Variants in TRIM5 observed in about 807,000 individuals in gnomAD.
The protein encoded by TRIM5 is tripartite motif containing 5.
TRIM5 carries 31 observed loss-of-function variants against 35.6 expected under a neutral mutation model. The observed-to-expected ratio is 0.87, with a 90% confidence interval of 0.65 to 1.18. The LOEUF is 1.18. TRIM5 is among the 50% of genes most tolerant of loss of function. TRIM5 has a pLI of 0.00. For missense variants in TRIM5, 609 were observed against 591.6 expected, an observed-to-expected ratio of 1.03 and a Z score of -0.31; for synonymous variants, 243 against 215.6, an observed-to-expected ratio of 1.13 and a Z score of -1.11.
At chr11:5,637,335 A>G in the TRIM5 span, among the ~76,000 whole-genome samples, 1 of 152,176 alleles carries the variant, frequency 6.6e-6, no homozygotes, top group Non-Finnish European at 1.5e-5. Flanking sequence ...AGGGACTGAT[A>G]CTCATTTCGT....
Position 5,665,225 on chromosome 11 carries a change from A to T in TRIM5, c.1066T>A (p.Ser356Thr). 1 of 1,614,202 alleles carries T rather than the reference A, an allele frequency of 6.2e-7. No individual in the cohort carries two copies. The highest frequency in any genetic ancestry group is 8.5e-7 in the Non-Finnish European group (1 of 1,180,042). ...TCTACCTCCCAGTAATGTTTCCCTG[A>T]TGTGATACTTTGAGAGCCCAGGATG... is the stretch of plus-strand genomic sequence containing the variant. The part of the protein sequence containing the change: ...TGILGSQSIT[S>T]GKHYWEVDVS... The change falls in exon 8 of 8, where the codon TCA (serine) becomes ACA (threonine). Residue 356 changes from serine to threonine, a missense_variant. By Grantham distance (58) the Ser-to-Thr change is moderately conservative. Transcript: ENST00000380034.
the TRIM5 span, chr11:5,603,485 T>C: frequency 1.2e-6 from 2 of 1,614,106 alleles, no homozygotes; most frequent in Admixed American, 3.3e-5. Context: ...AGCTGCCCTG[T>C]GTGCCAGACC....
At chr11:5,596,709 G>T in the TRIM5 span, 4 of 836,848 alleles carry the variant, frequency 4.8e-6, no homozygotes, top group Middle Eastern at 3.4e-4. Context: ...CCAAAGGCTG[G>T]CGGAGGAGGG....
the TRIM5 span, among the ~76,000 whole-genome samples, chr11:5,622,504 C>G: frequency 3.3e-5 from 5 of 151,536 alleles, no homozygotes; most frequent in Non-Finnish European, 7.4e-5. Context: ...TGCCTGTAAT[C>G]CCAGCTACTC....
At chr11:5,642,098 T>C in the TRIM5 span, among the ~76,000 whole-genome samples, 2 of 152,218 alleles carry the variant, frequency 1.3e-5, no homozygotes, top group Non-Finnish European at 2.9e-5. Flanking sequence ...TCTTTTCCTA[T>C]CGTTTTATCC....
chr11:5,666,303 T>G (rs190802924), intron 5 of TRIM5: 271 of 627,372 alleles, frequency 4.3e-4, no homozygotes, highest in Non-Finnish European at 8.5e-5. Context: ...TCTTAACCTC[T>G]CAGAAGCACA....
chr11:5,651,765 G>A, the TRIM5 span, among the ~76,000 whole-genome samples: 1 of 152,170 alleles, frequency 6.6e-6, no homozygotes, highest in Non-Finnish European at 1.5e-5. Flanking sequence ...CACCAGTAGT[G>A]TGTAAGCATT....
chr11:5,641,030 TG>T, the TRIM5 span: 1 of 1,266,796 alleles, frequency 7.9e-7, no homozygotes, highest in African/African-American at 1.5e-5. Flanking sequence ...TCTAGCTAAA[TG>T]TTTGCCAATT....
chr11:5,628,254 C>G, the TRIM5 span, among the ~76,000 whole-genome samples: 1 of 152,216 alleles, frequency 6.6e-6, no homozygotes, highest in Non-Finnish European at 1.5e-5. Context: ...CTCCTGGAGC[C>G]CCCCGGTATT....
the TRIM5 span, among the ~76,000 whole-genome samples, chr11:5,618,241 G>A: frequency 5.9e-5 from 9 of 152,230 alleles, no homozygotes; most frequent in South Asian, 2.1e-4. Context: ...ATGGTGGCCC[G>A]CGCCTGTAAT....
At chr11:5,605,480 T>C in the TRIM5 span, 1 of 1,614,192 alleles carries the variant, frequency 6.2e-7, no homozygotes, top group Non-Finnish European at 8.5e-7. Context: ...AGGCTGAGAA[T>C]GATCTGGTCC....
chr11:5,663,520 T>C lies in TRIM5; in HGVS notation c.*1289A>G, dbSNP rs559043001. ...AACAGAGTTTATGTTTTTCAATAAT[T>C]TGTAGAACAAGTACTTATTAGATCA... On this transcript the variant is annotated 3_prime_UTR_variant, in exon 8 of 8. Transcript: ENST00000380034. 1.4e-4 allele frequency: 141 copies of C among 984,268 alleles called. 2 individuals carry two copies. The South Asian group carries it at 6.1e-3, about 42-fold the overall frequency. 61.0% of individuals were successfully genotyped at this position (984,268 alleles called of 1,614,324 possible). A position where few individuals can be genotyped will look rare whatever the true frequency, so the allele number is the denominator to read the frequency against.
chr11:5,648,622 A>C, the TRIM5 span, among the ~76,000 whole-genome samples: 1 of 152,318 alleles, frequency 6.6e-6, no homozygotes, highest in East Asian at 1.9e-4. Context: ...CCAGTGTGAA[A>C]GACAAAAAAA....
the TRIM5 span, among the ~76,000 whole-genome samples, chr11:5,657,674 TA>T: frequency 2.2e-5 from 2 of 91,838 alleles, no homozygotes; most frequent in Non-Finnish European, 4.4e-5. Flanking sequence ...ATTTATAATA[TA>T]ATATATATAT....
the TRIM5 span, chr11:5,645,912 T>TAG: frequency 3.1e-5 from 5 of 162,484 alleles, no homozygotes; most frequent in African/African-American, 1.1e-4. Context: ...TATAGATATA[T>TAG]ATAGATATAT....
At chr11:5,611,490 GT>G in the TRIM5 span, 1 of 743,768 alleles carries the variant, frequency 1.3e-6, no homozygotes, top group African/African-American at 1.8e-5. Flanking sequence ...ATCTCGCTCT[GT>G]CGCCCAGGCT....
the TRIM5 span, among the ~76,000 whole-genome samples, chr11:5,624,530 C>T: frequency 6.6e-6 from 1 of 152,134 alleles, no homozygotes; most frequent in Non-Finnish European, 1.5e-5. Context: ...CATGTGCAAC[C>T]ATGAAAGTGG....
the TRIM5 span, chr11:5,611,673 G>T: frequency 1.7e-5 from 4 of 232,286 alleles, no homozygotes; most frequent in Non-Finnish European, 3.4e-5. Context: ...GGCTGATCTC[G>T]AACTCCTGAC....
chr11:5,629,284 A>C, the TRIM5 span, among the ~76,000 whole-genome samples: 9 of 152,168 alleles, frequency 5.9e-5, no homozygotes, highest in Admixed American at 1.3e-4. Flanking sequence ...CTCAAAAAAA[A>C]ACAAAAACTA....
Sources: gnomAD v4.1 joint callset for allele counts (sites outside exome capture counted in the v4.1 genomes callset) on GRCh38, gnomAD v4.1.1 for gene constraint, MANE v1.5 for transcripts, NCBI Gene and HGNC (gene_info 2026-07-23, HGNC 2026-07-21) for gene names.